Variants in BDNF observed in about 807,000 individuals in gnomAD.
BDNF encodes the protein neurotrophic factor BDNF precursor form.
Under a neutral mutation model 19.5 loss-of-function variants are expected in BDNF, and 1 was observed. The observed-to-expected ratio is 0.05, with a 90% CI of 0.02 to 0.24. The LOEUF is 0.24. Among genes scored for constraint, BDNF ranks in the 10% least tolerant of loss-of-function variants. The pLI, the probability that BDNF is intolerant of heterozygous loss-of-function variation, is 1.00. For missense variants in BDNF, 195 were observed against 317.6 expected (o/e 0.61, Z 2.93); for synonymous variants, 100 against 121.6 (o/e 0.82, Z 1.17).
chr11:27,680,201 TA>T (rs1856658545), intron 1 of BDNF, among the ~76,000 whole-genome samples: 1 of 152,208 alleles, frequency 6.6e-6, no homozygotes, highest in African/African-American at 2.4e-5. Flanking sequence ...AAGGGTGGGT[TA>T]GACCCAAAAA....
intron 1 of BDNF, among the ~76,000 whole-genome samples, chr11:27,710,700 T>C (rs1392070074): frequency 6.6e-6 from 1 of 152,240 alleles, no homozygotes; most frequent in African/African-American, 2.4e-5. Flanking sequence ...ACTGTGTGTC[T>C]TTGGAGAGGG....
At chr11:27,684,218 T>G (rs918440895) in intron 1 of BDNF, among the ~76,000 whole-genome samples, 5 of 152,196 alleles carry the variant, frequency 3.3e-5, no homozygotes, top group Admixed American at 1.3e-4. Flanking sequence ...TATTGGTGTA[T>G]AGGAATGCTC....
Position 27,657,852 on chromosome 11 carries a change from A to G in BDNF, c.713T>C (p.Val238Ala). The change falls in exon 2 of 2, where the codon GTA becomes GCA. Residue 238 changes from valine to alanine, a missense_variant. By Grantham distance (64) the Val-to-Ala change is moderately conservative. This residue lies in a region of BDNF where 71 missense variants were observed against 162.6 expected (regional missense o/e 0.44). Transcript: ENST00000356660. The surrounding 1 kb of genome is among the most constrained non-coding windows in gnomAD (Gnocchi z 5.0). Reference sequence around the variant, plus strand: ...TCCCCTTTTAATGGTCAATGTACATACACAAGAAGTGTCTATCCTTATGAA... The same window carrying G: ...TCCCCTTTTAATGGTCAATGTACATGCACAAGAAGTGTCTATCCTTATGAA... ...WRFIRIDTSC[V>A]CTLTIKRGR The G allele has an allele frequency of 6.2e-7, 1 of 1,614,264 alleles. No homozygotes were observed. Among genetic ancestry groups the G allele is most frequent in the Non-Finnish European group, 8.5e-7 (1 of 1,180,044 alleles).
At chr11:27,701,587 G>T (rs1859898230), upstream of BDNF, 6 of 986,884 alleles carry the variant, frequency 6.1e-6, no homozygotes, top group Non-Finnish European at 7.2e-6. Flanking sequence ...TCGCCGGGGG[G>T]AGCGGCAGCG....
intron 1 of BDNF, among the ~76,000 whole-genome samples, chr11:27,668,002 G>A (rs1854667593): frequency 6.6e-6 from 1 of 151,470 alleles, no homozygotes; most frequent in Non-Finnish European, 1.5e-5. Flanking sequence ...TCCAAAAATT[G>A]ACTACATAGT....
chr11:27,697,111 C>G (rs1163132640), intron 1 of BDNF, among the ~76,000 whole-genome samples: 1 of 151,896 alleles, frequency 6.6e-6, no homozygotes, highest in East Asian at 1.9e-4. Context: ...CTCTCTCTCT[C>G]TCTCCCCCTC....
At chr11:27,674,675 G>A in intron 1 of BDNF, 1 of 985,414 alleles carries the variant, frequency 1.0e-6, no homozygotes, top group Non-Finnish European at 1.2e-6. Context: ...CAATTTGGCG[G>A]TACTGTGAAC....
chr11:27,701,753 A>G, upstream of BDNF: 1 of 375,402 alleles, frequency 2.7e-6, no homozygotes, highest in African/African-American at 2.2e-5. Context: ...CGCATTTAAA[A>G]TGATACATCT....
rs532196849 is a variant in BDNF, at chr11:27,669,963, C to G, written c.-21-11378G>C. 3.3e-4 allele frequency among the ~76,000 whole-genome samples: 50 copies of G among 152,216 alleles called. 1 individual carries two copies. In the South Asian group the frequency reaches 7.5e-3, roughly 23 times the overall value. On this transcript the variant is annotated intron_variant, in intron 1 of 1. Coordinates refer to ENST00000356660, the MANE Select transcript of BDNF (RefSeq NM_001709.5). ...CCCGCATCGCCAAGACAATCCTAAA[C>G]CAAAAGAACAAAGCTGGAGGCATCA...
Position 27,698,381 on chromosome 11 carries a change from T to C in BDNF, c.-22+1783A>G, listed in dbSNP as rs115108094. Among the ~76,000 whole-genome samples, 579 of 152,308 alleles carry C rather than the reference T, an allele frequency of 3.8e-3. 2 individuals carry two copies. Among genetic ancestry groups the C allele is most frequent in the African/African-American group, 0.013 (538 of 41,574 alleles). On this transcript the variant is annotated intron_variant, in intron 1 of 1. Coordinates refer to ENST00000356660, the MANE Select transcript of BDNF (RefSeq NM_001709.5). ...TTTCAACATGCTATGTTACCTATTATGTGTAATGCCTTGAAACGCTACATG... is the reference window on the plus strand; with the variant it reads ...TTTCAACATGCTATGTTACCTATTACGTGTAATGCCTTGAAACGCTACATG...
chr11:27,692,002 T>C (rs937446391), intron 1 of BDNF, among the ~76,000 whole-genome samples: 1 of 152,182 alleles, frequency 6.6e-6, no homozygotes, highest in Non-Finnish European at 1.5e-5. Flanking sequence ...AACTTTTTTT[T>C]CCAGACATTC....
In BDNF at chr11:27,657,684, T is replaced by C. The variant is rs1590214613; in HGVS notation, c.*137A>G. The C allele has an allele frequency of 2.0e-6, 3 of 1,477,826 alleles. No individual in the cohort carries two copies. The highest frequency in any genetic ancestry group is 2.7e-6 in the Non-Finnish European group (3 of 1,123,350). 91.5% of individuals were successfully genotyped at this position (1,477,826 alleles called of 1,614,324 possible). On this transcript the variant is annotated 3_prime_UTR_variant, in exon 2 of 2. Coordinates refer to ENST00000356660, the MANE Select transcript of BDNF (RefSeq NM_001709.5). The surrounding 1 kb of genome is among the most constrained non-coding windows in gnomAD (Gnocchi z 5.0). ...TCCAATAAATAGATTGTAGAACCAC[T>C]GTACTGTATAAACTTCATTTATACA...
chr11:27,672,407 T>C (rs1855514017), intron 1 of BDNF, among the ~76,000 whole-genome samples: 1 of 152,150 alleles, frequency 6.6e-6, no homozygotes, highest in Non-Finnish European at 1.5e-5. Context: ...CTAGTATTGC[T>C]TTCAGCCAGA....
chr11:27,712,835 G>C (rs920367385), intron 1 of BDNF, among the ~76,000 whole-genome samples: 1 of 151,546 alleles, frequency 6.6e-6, no homozygotes, highest in African/African-American at 2.4e-5. Flanking sequence ...ATTTTTATGA[G>C]AAGGGTTTAC....
chr11:27,656,747 C>T lies in BDNF; in HGVS notation c.*1074G>A. 1.0e-6 allele frequency: 1 copy of T among 985,108 alleles called. No individual in the cohort carries two copies. Among genetic ancestry groups the T allele is most frequent in the Non-Finnish European group, 1.2e-6 (1 of 829,886 alleles). The allele number at this position is 985,108 out of a possible 1,614,324, so 61.0% of individuals were successfully genotyped here. On this transcript the variant is annotated 3_prime_UTR_variant, in exon 2 of 2. Coordinates refer to ENST00000356660, the MANE Select transcript of BDNF (RefSeq NM_001709.5). ...TTTTTAAGCTTAGCCATGATTTACC[C>T]AAATGTTCACTCCTCATAAAAAATA... is the stretch of plus-strand genomic sequence containing the variant.
chr11:27,690,439 TCACA>T (rs149036227), intron 1 of BDNF, among the ~76,000 whole-genome samples: 17 of 150,054 alleles, frequency 1.1e-4, no homozygotes, highest in Admixed American at 2.0e-4. Flanking sequence ...TTTTTGAGAT[TCACA>T]CACACACACA....
chr11:27,661,975 G>A (rs1423438261), intron 1 of BDNF, among the ~76,000 whole-genome samples: 4 of 147,804 alleles, frequency 2.7e-5, no homozygotes, highest in East Asian at 2.1e-4. Context: ...TACATCTTAC[G>A]TAGTACTTGA....
intron 1 of BDNF, among the ~76,000 whole-genome samples, chr11:27,665,636 G>C (rs529593029): frequency 6.6e-6 from 1 of 152,148 alleles, no homozygotes; most frequent in Admixed American, 6.5e-5. Context: ...GGCCTGGCTC[G>C]GAGGGTCCCA....
chr11:27,698,077 GA>G (rs1859338899), intron 1 of BDNF: 1 of 151,370 alleles, frequency 6.6e-6, no homozygotes, highest in Non-Finnish European at 1.5e-5. Flanking sequence ...AAATGAAGTA[GA>G]AGAAAAAAAA....
Sources: gnomAD v4.1 joint callset for allele counts (sites outside exome capture counted in the v4.1 genomes callset) on GRCh38, gnomAD v4.1.1 for gene constraint, gnomAD v4.1.1 regional missense constraint, Gnocchi (gnomAD v3.1) non-coding constraint, MANE v1.5 for transcripts, NCBI Gene and HGNC (gene_info 2026-07-23, HGNC 2026-07-21) for gene names.